The following TSPAN15 variants were observed in gnomAD, a reference collection of about 807,000 sequenced individuals.
TSPAN15 encodes tetraspanin 15.
Under a neutral mutation model 34.5 loss-of-function variants are expected in TSPAN15, and 20 were observed. That is an observed-to-expected ratio of 0.58 (90% CI 0.41 to 0.84). The LOEUF (loss-of-function observed/expected upper bound fraction) is 0.84, where lower values mean the gene tolerates loss of function less well. Ranked by LOEUF, TSPAN15 falls within the 40% of genes least tolerant of loss-of-function variation. The pLI is 0.00. For missense variants in TSPAN15, 313 were observed against 386.1 expected (o/e 0.81, Z 1.59); for synonymous variants, 155 against 153.9 (o/e 1.01, Z -0.05).
chr10:69,483,592 A>G, intron 1 of TSPAN15, 99 bp from the exon 2 acceptor site: 3 of 1,318,068 alleles, frequency 2.3e-6, no homozygotes, highest in Non-Finnish European at 3.1e-6. Flanking sequence ...ACCTGGGGCA[A>G]GCCTCCCCCA....
At chr10:69,494,326 G>C (rs1446102437) in intron 3 of TSPAN15, among the ~76,000 whole-genome samples, 12 of 152,308 alleles carry the variant, frequency 7.9e-5, no homozygotes, top group Admixed American at 3.3e-4. Context: ...TTTAAAAACA[G>C]ACAAAAATCT....
chr10:69,540,861 T>C, the TSPAN15 span, among the ~76,000 whole-genome samples: 1 of 151,894 alleles, frequency 6.6e-6, no homozygotes, highest in Non-Finnish European at 1.5e-5. Flanking sequence ...GGGAGGTCAA[T>C]GGGGATGTGT....
chr10:69,473,126 G>T (rs969708096), intron 1 of TSPAN15, among the ~76,000 whole-genome samples: 1 of 152,200 alleles, frequency 6.6e-6, no homozygotes. Flanking sequence ...TATAGCTGGG[G>T]TGATCCAGGA....
chr10:69,523,746 T>G, the TSPAN15 span: 73 of 166,894 alleles, frequency 4.4e-4, 2 homozygotes, highest in African/African-American at 1.8e-3. Flanking sequence ...GGCTCTGTAC[T>G]TTATTCAGTT....
the TSPAN15 span, among the ~76,000 whole-genome samples, chr10:69,540,228 A>C: frequency 6.6e-6 from 1 of 152,172 alleles, no homozygotes; most frequent in South Asian, 2.1e-4. Flanking sequence ...CCATCTCTAC[A>C]AAAAACATTT....
At chr10:69,477,916 A>G (rs1841650836) in intron 1 of TSPAN15, among the ~76,000 whole-genome samples, 1 of 152,178 alleles carries the variant, frequency 6.6e-6, no homozygotes, top group Non-Finnish European at 1.5e-5. Flanking sequence ...AGATGAGATG[A>G]TGCAGGTATG....
chr10:69,539,721 C>T, the TSPAN15 span, among the ~76,000 whole-genome samples: 1 of 152,096 alleles, frequency 6.6e-6, no homozygotes, highest in African/African-American at 2.4e-5. Flanking sequence ...CAGATTCCTT[C>T]TATTATGTTG....
At chr10:69,503,783 TGGGAAGTGCCCGC>T (rs1425187903) in intron 5 of TSPAN15, among the ~76,000 whole-genome samples, 4 of 152,112 alleles carry the variant, frequency 2.6e-5, no homozygotes, top group Non-Finnish European at 5.9e-5. Flanking sequence ...CAGGTGGTGA[TGGGAAGTGCCCGC>T]GGCAGCCTGT....
chr10:69,470,889 G>A (rs538532606), intron 1 of TSPAN15, among the ~76,000 whole-genome samples: 8 of 151,898 alleles, frequency 5.3e-5, no homozygotes, highest in Non-Finnish European at 7.4e-5. Context: ...CAGCAGCCCC[G>A]TCCCCCTTGC....
the TSPAN15 span, among the ~76,000 whole-genome samples, chr10:69,533,726 A>G: frequency 6.6e-6 from 1 of 152,238 alleles, no homozygotes; most frequent in African/African-American, 2.4e-5. Context: ...TGGGAACCCC[A>G]ATTTATAGTC....
chr10:69,520,583 G>A, the TSPAN15 span, among the ~76,000 whole-genome samples: 1 of 152,216 alleles, frequency 6.6e-6, no homozygotes, highest in Non-Finnish European at 1.5e-5. Flanking sequence ...TTGAACCTGG[G>A]AGGTGGAGGT....
At position 69,506,336 on chromosome 10, in the gene TSPAN15, A is replaced by C; in HGVS notation, c.735+96A>C. On this transcript the variant is annotated intron_variant, in intron 7 of 7. Coordinates refer to ENST00000373290, the MANE Select transcript of TSPAN15 (RefSeq NM_012339.5). This position sits in a 1 kb window ranked among gnomAD's most constrained non-coding sequence, Gnocchi z 4.7. ...AAGAGCGAAGAGGCTTTTTTCATAG[A>C]AGTCCAGGACTTGCCTGGGGAGGGC... The C allele has an allele frequency of 8.1e-7, 1 of 1,230,718 alleles. No homozygotes were observed. The highest frequency in any genetic ancestry group is 2.4e-5 in the East Asian group (1 of 42,212). 76.2% of individuals were successfully genotyped at this position (1,230,718 alleles called of 1,614,324 possible).
the TSPAN15 span, among the ~76,000 whole-genome samples, chr10:69,537,929 A>G: frequency 6.6e-6 from 1 of 152,226 alleles, no homozygotes; most frequent in Non-Finnish European, 1.5e-5. Flanking sequence ...TTTATTTCTT[A>G]CAGTTCTGGA....
intron 1 of TSPAN15, among the ~76,000 whole-genome samples, chr10:69,455,858 G>T (rs1372680670): frequency 6.6e-6 from 1 of 151,924 alleles, no homozygotes; most frequent in African/African-American, 2.4e-5. Context: ...TGTACACTGA[G>T]CCCCCAGGTC....
Position 69,507,097 on chromosome 10 carries a change from A to G in TSPAN15, c.*119A>G. 2 of 1,499,778 alleles carry G rather than the reference A, an allele frequency of 1.3e-6. No individual in the cohort carries two copies. The highest frequency in any genetic ancestry group is 1.8e-6 in the Non-Finnish European group (2 of 1,126,614). 92.9% of individuals were successfully genotyped at this position (1,499,778 alleles called of 1,614,324 possible). A position where few individuals can be genotyped will look rare whatever the true frequency, so the allele number is the denominator to read the frequency against. ...CCCACACTCAGTACTGACCAAAGCC[A>G]GGGCTGTGTGTGCCTGTGTGTAGGT... On this transcript the variant is annotated 3_prime_UTR_variant, in exon 8 of 8. Coordinates refer to ENST00000373290, the MANE Select transcript of TSPAN15 (RefSeq NM_012339.5).
chr10:69,484,826 G>C (rs925691514), intron 2 of TSPAN15, among the ~76,000 whole-genome samples: 3 of 152,174 alleles, frequency 2.0e-5, no homozygotes, highest in Non-Finnish European at 4.4e-5. Flanking sequence ...TGGCAACGAG[G>C]CCCAGCTCTC....
At position 69,451,557 on chromosome 10, in the gene TSPAN15, C is replaced by A; in HGVS notation, c.-38C>A. 7.9e-6 allele frequency: 11 copies of A among 1,384,292 alleles called. No individual in the cohort carries two copies. Among genetic ancestry groups the A allele is most frequent in the Non-Finnish European group, 1.0e-5 (11 of 1,066,378 alleles). The allele number at this position is 1,384,292 out of a possible 1,614,324, so 85.8% of individuals were successfully genotyped here. A position where few individuals can be genotyped will look rare whatever the true frequency, so the allele number is the denominator to read the frequency against. On this transcript the variant is annotated 5_prime_UTR_variant, in exon 1 of 8. Coordinates refer to ENST00000373290, the MANE Select transcript of TSPAN15 (RefSeq NM_012339.5). The stretch of plus-strand genomic sequence containing the variant: ...CTGGCTGAGGGACCGAGCCGGAGAG[C>A]CCCGGAGCCCCCGTAACCCGCGCGG...
intron 4 of TSPAN15, among the ~76,000 whole-genome samples, chr10:69,497,198 T>A (rs1842103929): frequency 6.6e-6 from 1 of 152,162 alleles, no homozygotes; most frequent in Non-Finnish European, 1.5e-5. Context: ...GAAAGACAGT[T>A]CTAGGTCCCA....
chr10:69,547,954 T>C, the TSPAN15 span, among the ~76,000 whole-genome samples: 2 of 152,220 alleles, frequency 1.3e-5, no homozygotes, highest in Non-Finnish European at 2.9e-5. Flanking sequence ...ATGGTTGTCA[T>C]TGACCCAATT....
Sources: allele counts gnomAD v4.1 joint callset (sites outside exome capture counted in the v4.1 genomes callset), GRCh38; gene constraint gnomAD v4.1.1; non-coding constraint Gnocchi (gnomAD v3.1); transcripts MANE v1.5; gene names NCBI Gene and HGNC (gene_info 2026-07-23, HGNC 2026-07-21).